Variants in DCDC1 observed in about 807,000 individuals in gnomAD.
DCDC1 encodes the protein doublecortin domain-containing protein 1.
DCDC1 carries 200 observed loss-of-function variants against 178.3 expected under a neutral mutation model. The observed-to-expected ratio is 1.12, with a 90% confidence interval of 1.00 to 1.26. The LOEUF is 1.26. Among genes scored for constraint, DCDC1 ranks in the 50% most tolerant of loss-of-function variants. The probability of loss-of-function intolerance (pLI) is 0.00; values close to 1 mark genes in which losing one functional copy is unlikely to be tolerated. For synonymous variants in DCDC1, 690 were observed against 604.8 expected (o/e 1.14, Z -2.07); for missense variants, 1,983 against 1,749.2 (o/e 1.13, Z -2.38).
Position 30,900,355 on chromosome 11 carries a change from G to A in DCDC1, c.4654C>T (p.Pro1552Ser). Residue 1552 changes from proline (P) to serine (S), a missense_variant, in exon 33 of 39, where the codon CCT becomes TCT. Pro to Ser is a moderately conservative substitution (Grantham distance 74). Coordinates refer to ENST00000684477, the MANE Select transcript of DCDC1 (RefSeq NM_001387274.1). ...IWVSCGEPFL[P>S]PNALQKAEKL... ...AAAACAAAAAAGTTACCATTTGGAG[G>A]TAGAAATGGTTCACCACAAGACACC... The A allele has an allele frequency of 1.3e-6, 2 of 1,528,006 alleles. No homozygotes were observed. The highest frequency in any genetic ancestry group is 1.8e-6 in the Non-Finnish European group (2 of 1,138,162). 94.7% of individuals were successfully genotyped at this position (1,528,006 alleles called of 1,614,324 possible). A position where few individuals can be genotyped will look rare whatever the true frequency, so the allele number is the denominator to read the frequency against.
At chr11:30,891,524 T>G (rs1943772423) in intron 36 of DCDC1, among the ~76,000 whole-genome samples, 2 of 152,184 alleles carry the variant, frequency 1.3e-5, no homozygotes, top group Non-Finnish European at 1.5e-5. Context: ...TCTCAGAAAT[T>G]TATCAGTTCT....
intron 25 of DCDC1, among the ~76,000 whole-genome samples, chr11:30,917,660 T>A (rs888726708): frequency 2.6e-5 from 4 of 152,170 alleles, no homozygotes; most frequent in Admixed American, 1.3e-4. Context: ...GCCATATAGA[T>A]CTGTATATAT....
chr11:31,251,347 G>A (rs138681819), intron 8 of DCDC1, among the ~76,000 whole-genome samples: 11 of 152,268 alleles, frequency 7.2e-5, no homozygotes, highest in Non-Finnish European at 1.5e-4. Flanking sequence ...TTCTGAGTGT[G>A]TCTGTGAGGA....
intron 9 of DCDC1, among the ~76,000 whole-genome samples, chr11:31,203,230 T>C (rs1333827555): frequency 6.6e-6 from 1 of 152,044 alleles, no homozygotes; most frequent in Non-Finnish European, 1.5e-5. Flanking sequence ...AAGAGATAAA[T>C]GAACAAATCA....
At chr11:31,013,430 G>A (rs1018347291) in intron 20 of DCDC1, among the ~76,000 whole-genome samples, 1 of 152,082 alleles carries the variant, frequency 6.6e-6, no homozygotes, top group Non-Finnish European at 1.5e-5. Context: ...GTCTACACAT[G>A]CATAATAAGT....
intron 23 of DCDC1, among the ~76,000 whole-genome samples, chr11:30,924,307 C>A (rs2134265340): frequency 6.6e-6 from 1 of 152,272 alleles, no homozygotes; most frequent in Non-Finnish European, 1.5e-5. Context: ...AACAGACTCT[C>A]CACCCTGCGA....
At chr11:30,943,634 G>A (rs1228523481) in intron 21 of DCDC1, 1 of 453,836 alleles carries the variant, frequency 2.2e-6, no homozygotes, top group Non-Finnish European at 4.4e-6. Context: ...CCCCCATAGA[G>A]TGAGAAAATA....
intron 6 of DCDC1, among the ~76,000 whole-genome samples, chr11:31,303,285 G>A (rs534579322): frequency 6.6e-6 from 1 of 152,174 alleles, no homozygotes; most frequent in East Asian, 1.9e-4. Context: ...TTAAAACAAT[G>A]ACCAGTTATC....
rs538142424 is a variant in DCDC1 at position 31,132,826 on chromosome 11, G to A, written c.1314+4866C>T. ...CTCCGTGGAAATGCAGCACGGAAGT[G>A]ACACTTGTACAGAATTTGGGAGAGT... On this transcript the variant is annotated intron_variant, in intron 10 of 38. Transcript: ENST00000684477. 3.7e-4 allele frequency among the ~76,000 whole-genome samples: 57 copies of A among 152,324 alleles called. 1 individual carries two copies. The highest frequency in any genetic ancestry group is 1.2e-3 in the South Asian group (6 of 4,822).
chr11:31,004,681 C>CA (rs201483189), intron 20 of DCDC1, among the ~76,000 whole-genome samples: 2,166 of 72,056 alleles, frequency 0.03, 58 homozygotes, highest in African/African-American at 0.067. Flanking sequence ...CACTCTGTCT[C>CA]AAAAAAAAAA....
intron 9 of DCDC1, among the ~76,000 whole-genome samples, chr11:31,166,839 C>T (rs1281400606): frequency 6.6e-6 from 1 of 152,006 alleles, no homozygotes; most frequent in Non-Finnish European, 1.5e-5. Flanking sequence ...CTCTTTATGC[C>T]CCACCAAGCT....
At position 31,142,486 on chromosome 11, in the gene DCDC1, GTA is replaced by G. The variant is rs199873589; in HGVS notation, c.1222-4704_1222-4703del. 1.7e-4 allele frequency among the ~76,000 whole-genome samples: 17 copies of G among 101,060 alleles called. No individual in the cohort carries two copies. In the East Asian group the frequency reaches 0.011, roughly 63 times the overall value. 66.3% of individuals were successfully genotyped at this position (101,060 alleles called of 152,430 possible). On this transcript the variant is annotated intron_variant, in intron 9 of 38. Coordinates refer to ENST00000684477, the MANE Select transcript of DCDC1 (RefSeq NM_001387274.1). ...GAGTTTTCAAAGGATGTGTGTGTGT[GTA>G]TGTGTGTGTGTGTGTGTGTGTATAC... is the stretch of plus-strand genomic sequence containing the variant.
At chr11:31,074,715 G>A (rs1956765463) in intron 18 of DCDC1, among the ~76,000 whole-genome samples, 1 of 152,172 alleles carries the variant, frequency 6.6e-6, no homozygotes. Flanking sequence ...GTACCCAGAA[G>A]TAGGGTGTTG....
intron 38 of DCDC1, among the ~76,000 whole-genome samples, chr11:30,873,366 G>T (rs868291453): frequency 0.03 from 4,447 of 146,560 alleles, 69 homozygotes; most frequent in Admixed American, 0.045. Context: ...TATATATATA[G>T]AGAGAGAGAG....
intron 2 of DCDC1, among the ~76,000 whole-genome samples, chr11:31,335,059 G>A (rs1020913080): frequency 1.1e-4 from 17 of 152,282 alleles, no homozygotes; most frequent in South Asian, 4.1e-4. Flanking sequence ...GCTCTGCCCC[G>A]TTCAAGCTTC....
chr11:31,265,881 CTAT>C (rs1316582560), intron 7 of DCDC1, among the ~76,000 whole-genome samples: 1 of 148,382 alleles, frequency 6.7e-6, no homozygotes, highest in Non-Finnish European at 1.5e-5. Context: ...TATTATTTAT[CTAT>C]TATTATCTAT....
At chr11:31,266,512 T>C (rs1323957417) in intron 7 of DCDC1, among the ~76,000 whole-genome samples, 3 of 152,194 alleles carry the variant, frequency 2.0e-5, no homozygotes, top group Non-Finnish European at 4.4e-5. Flanking sequence ...TCTAAAAATA[T>C]AAAATATATT....
At position 31,102,239 on chromosome 11, in the gene DCDC1, T is replaced by A; in HGVS notation, c.1921A>T (p.Ser641Cys). Residue 641 changes from serine (S) to cysteine (C), a missense_variant, in exon 15 of 39, where the codon AGT becomes TGT. By Grantham distance (112) the Ser-to-Cys change is moderately radical. Coordinates refer to ENST00000684477, the MANE Select transcript of DCDC1 (RefSeq NM_001387274.1). Reference sequence around the variant, plus strand: ...TCAAACTGGTCAGGTATCTGTTGACTGGTACAGTTGAAATTAATTGGAAAT... The same window carrying A: ...TCAAACTGGTCAGGTATCTGTTGACAGGTACAGTTGAAATTAATTGGAAAT... ...EGFPINFNCTSQQIPDQFEKV... is the reference protein window; with the variant it reads ...EGFPINFNCTCQQIPDQFEKV... 1.4e-6 allele frequency: 1 copy of A among 736,306 alleles called. No homozygotes were observed. The highest frequency in any genetic ancestry group is 2.5e-6 in the Non-Finnish European group (1 of 398,678). 45.6% of individuals were successfully genotyped at this position (736,306 alleles called of 1,614,324 possible).
At chr11:31,205,234 A>G (rs1234374787) in intron 9 of DCDC1, among the ~76,000 whole-genome samples, 1 of 152,226 alleles carries the variant, frequency 6.6e-6, no homozygotes, top group Non-Finnish European at 1.5e-5. Context: ...AGTTTTATTT[A>G]CGTATTGTCT....
Sources: gnomAD v4.1 joint callset for allele counts (sites outside exome capture counted in the v4.1 genomes callset) on GRCh38, gnomAD v4.1.1 for gene constraint, MANE v1.5 for transcripts, NCBI Gene and HGNC (gene_info 2026-07-23, HGNC 2026-07-21) for gene names.